SRGAP1: variants seen among roughly 807,000 people sequenced by gnomAD.
The protein encoded by SRGAP1 is SLIT-ROBO Rho GTPase activating protein 1.
In SRGAP1, 43 loss-of-function variants were observed where a neutral mutation model predicts 121.9. The ratio of observed to expected loss-of-function variants is 0.35; its 90% CI spans 0.28 to 0.46. The LOEUF (loss-of-function observed/expected upper bound fraction) is 0.46, where lower values mean the gene tolerates loss of function less well. SRGAP1 is among the 20% of genes least tolerant of loss of function. The pLI, the probability that SRGAP1 is intolerant of heterozygous loss-of-function variation, is 1.00. For synonymous variants in SRGAP1, 447 were observed against 485.4 expected (o/e 0.92, Z 1.04); for missense variants, 1,102 against 1,350.9 (o/e 0.82, Z 2.89).
intron 4 of SRGAP1, among the ~76,000 whole-genome samples, chr12:64,021,359 A>T (rs2136472761): frequency 6.6e-6 from 1 of 152,352 alleles, no homozygotes; most frequent in Middle Eastern, 3.4e-3. Flanking sequence ...CTAACTAGCC[A>T]TGCCTGCCAG....
At chr12:63,971,830 T>G (rs533353441) in intron 1 of SRGAP1, among the ~76,000 whole-genome samples, 2 of 152,152 alleles carry the variant, frequency 1.3e-5, no homozygotes, top group East Asian at 3.9e-4. Context: ...TTTAAGGATT[T>G]TGTAGCCTAA....
intron 1 of SRGAP1, among the ~76,000 whole-genome samples, chr12:63,873,090 C>T (rs1359143651): frequency 6.6e-6 from 1 of 152,144 alleles, no homozygotes; most frequent in Non-Finnish European, 1.5e-5. Flanking sequence ...TAAGAATAGA[C>T]AGGTAGTGCT....
intron 3 of SRGAP1, among the ~76,000 whole-genome samples, chr12:64,007,819 T>C (rs2034131553): frequency 6.6e-6 from 1 of 152,166 alleles, no homozygotes; most frequent in Non-Finnish European, 1.5e-5. Flanking sequence ...AGTTTTGCAA[T>C]ATTCTCTGGA....
intron 21 of SRGAP1, among the ~76,000 whole-genome samples, chr12:64,134,693 G>A (rs2036833599): frequency 6.6e-6 from 1 of 152,086 alleles, no homozygotes; most frequent in African/African-American, 2.4e-5. Flanking sequence ...AACTCCCCGA[G>A]CTGCAACATT....
chr12:63,930,892 A>G (rs1349927484), intron 1 of SRGAP1, among the ~76,000 whole-genome samples: 1 of 152,104 alleles, frequency 6.6e-6, no homozygotes, highest in East Asian at 1.9e-4. Context: ...ATAAATGTTC[A>G]ATTTGGTTCT....
At chr12:64,124,690 G>T (rs1592344327) in intron 18 of SRGAP1, among the ~76,000 whole-genome samples, 1 of 152,130 alleles carries the variant, frequency 6.6e-6, no homozygotes, top group Non-Finnish European at 1.5e-5. Flanking sequence ...TGCTGAGTCT[G>T]TCCTCCTGTT....
chr12:63,877,324 G>T (rs1900061571), intron 1 of SRGAP1, among the ~76,000 whole-genome samples: 1 of 152,174 alleles, frequency 6.6e-6, no homozygotes, highest in Admixed American at 6.5e-5. Flanking sequence ...TTGATTCTCT[G>T]CCAATGCTTT....
At chr12:63,866,567 C>T (rs545223190) in intron 1 of SRGAP1, among the ~76,000 whole-genome samples, 2 of 152,102 alleles carry the variant, frequency 1.3e-5, no homozygotes, top group South Asian at 4.1e-4. Flanking sequence ...CAATATCAGA[C>T]AGCAAATTTC....
In SRGAP1 at chr12:63,989,934, A is replaced by C. The variant is rs759867066; in HGVS notation, c.288A>C (p.Pro96=). 48 of 1,611,022 alleles carry C rather than the reference A, an allele frequency of 3.0e-5. 1 individual carries two copies. The Middle Eastern group carries it at 7.5e-3, about 250-fold the overall frequency. The change falls in exon 3 of 22, where the codon CCA becomes CCC. Residue 96 remains proline (P), a synonymous_variant. Transcript: ENST00000355086. ...GGAAAGACCAGAACCTGTTGTCTCCAGTGAACTGCTGGTATTTGCTCCTGA... is the reference window on the plus strand; with the variant it reads ...GGAAAGACCAGAACCTGTTGTCTCCCGTGAACTGCTGGTATTTGCTCCTGA... ...QYKKDQNLLS[P]VNCWYLLLNQ...
chr12:64,131,009 C>G (rs2036776153), intron 21 of SRGAP1, among the ~76,000 whole-genome samples: 1 of 152,202 alleles, frequency 6.6e-6, no homozygotes, highest in African/African-American at 2.4e-5. Context: ...GAGCACTAAG[C>G]AGTGGCCATA....
intron 21 of SRGAP1, among the ~76,000 whole-genome samples, chr12:64,132,713 G>C (rs1434242423): frequency 2.0e-5 from 3 of 152,204 alleles, no homozygotes; most frequent in Non-Finnish European, 4.4e-5. Context: ...GCTACTTCTT[G>C]CTCACTGGAT....
chr12:63,951,088 A>C (rs1357171766), intron 1 of SRGAP1, among the ~76,000 whole-genome samples: 4 of 145,206 alleles, frequency 2.8e-5, no homozygotes, highest in African/African-American at 1.0e-4. Flanking sequence ...TTATCTGAGT[A>C]CCTGACACAT....
At position 64,041,178 on chromosome 12, in the gene SRGAP1, T is replaced by A. The variant is rs572153244; in HGVS notation, c.490-1612T>A. Among the ~76,000 whole-genome samples, 7 of 152,224 alleles carry A rather than the reference T, an allele frequency of 4.6e-5. No homozygotes were observed. In the East Asian group the frequency reaches 1.3e-3, roughly 29 times the overall value. On this transcript the variant is annotated intron_variant, in intron 4 of 21. Transcript: ENST00000355086. ...CCTAAAGTTTTTAACAATGGGGAAT[T>A]AAGTTATGGAACAGTCATATAGACA...
chr12:64,113,316 G>C (rs561774337), intron 17 of SRGAP1, among the ~76,000 whole-genome samples: 1 of 152,178 alleles, frequency 6.6e-6, no homozygotes, highest in African/African-American at 2.4e-5. Flanking sequence ...GCTGAGTCAG[G>C]GGAATTGCTC....
chr12:64,078,842 C>T (rs2035785848), intron 8 of SRGAP1, 77 bp from the exon 9 acceptor site: 1 of 1,489,130 alleles, frequency 6.7e-7, no homozygotes, highest in East Asian at 2.3e-5. Context: ...TCATCTCTAC[C>T]TGACAGAGTG....
intron 1 of SRGAP1, among the ~76,000 whole-genome samples, chr12:63,943,566 T>C (rs1334711451): frequency 6.6e-6 from 1 of 152,222 alleles, no homozygotes; most frequent in African/African-American, 2.4e-5. Flanking sequence ...TGAACCCAAG[T>C]AAGGCTGACT....
chr12:64,087,596 C>T (rs1270080187), intron 11 of SRGAP1, among the ~76,000 whole-genome samples: 5 of 151,778 alleles, frequency 3.3e-5, no homozygotes, highest in Admixed American at 6.6e-5. Flanking sequence ...ATTAGCCGGG[C>T]GTGGTGGTGT....
chr12:64,028,561 T>A (rs1175978379), intron 4 of SRGAP1, among the ~76,000 whole-genome samples: 4 of 152,216 alleles, frequency 2.6e-5, no homozygotes, highest in Admixed American at 2.6e-4. Flanking sequence ...CAGAAACTTA[T>A]TTTCCAGTTC....
intron 1 of SRGAP1, among the ~76,000 whole-genome samples, chr12:63,872,253 A>G (rs1045256484): frequency 7.9e-5 from 12 of 152,222 alleles, no homozygotes; most frequent in African/African-American, 2.9e-4. Context: ...TGGGAACTAC[A>G]ACGTACGTGA....
Sources: gnomAD v4.1 joint callset for allele counts (sites outside exome capture counted in the v4.1 genomes callset) on GRCh38, gnomAD v4.1.1 for gene constraint, MANE v1.5 for transcripts, NCBI Gene and HGNC (gene_info 2026-07-23, HGNC 2026-07-21) for gene names.